Variants in PRKCE observed in about 807,000 individuals in gnomAD.
PRKCE encodes protein kinase C epsilon.
Under a neutral mutation model 85.4 loss-of-function variants are expected in PRKCE, and 16 were observed. That is an observed-to-expected ratio of 0.19 (90% CI 0.13 to 0.28). PRKCE has a LOEUF of 0.28. PRKCE is among the 10% of genes least tolerant of loss of function. The pLI, the probability that PRKCE is intolerant of heterozygous loss-of-function variation, is 1.00. For missense variants in PRKCE, 573 were observed against 975.2 expected (o/e 0.59, Z 5.49); for synonymous variants, 388 against 371.5 (o/e 1.04, Z -0.51).
intron 2 of PRKCE, among the ~76,000 whole-genome samples, chr2:45,847,612 T>C (rs1691902676): frequency 6.6e-6 from 1 of 152,136 alleles, no homozygotes; most frequent in African/African-American, 2.4e-5. Flanking sequence ...GATGATGTGC[T>C]CCAGGCCAAA....
intron 10 of PRKCE, among the ~76,000 whole-genome samples, chr2:46,058,373 G>A (rs1421819330): frequency 1.3e-5 from 2 of 152,242 alleles, no homozygotes; most frequent in African/African-American, 2.4e-5. Flanking sequence ...TGCTCATTGT[G>A]TGGGGATGAA....
chr2:45,866,879 A>G (rs866739130), intron 2 of PRKCE, among the ~76,000 whole-genome samples: 1 of 152,246 alleles, frequency 6.6e-6, no homozygotes, highest in African/African-American at 2.4e-5. Context: ...AACATTGGCT[A>G]TGCGTTAATA....
At chr2:45,865,722 G>A (rs1398037878) in intron 2 of PRKCE, among the ~76,000 whole-genome samples, 2 of 152,014 alleles carry the variant, frequency 1.3e-5, no homozygotes, top group Non-Finnish European at 1.5e-5. Context: ...GAAGCAGAGA[G>A]CAGCCCTCAT....
intron 1 of PRKCE, among the ~76,000 whole-genome samples, chr2:45,829,800 G>A (rs1340082456): frequency 2.6e-5 from 4 of 152,068 alleles, no homozygotes; most frequent in Admixed American, 6.6e-5. Flanking sequence ...TCGGCCGGGC[G>A]CGGTGGCTCA....
At chr2:46,160,481 C>A (rs61759998) in intron 14 of PRKCE, among the ~76,000 whole-genome samples, 1 of 152,188 alleles carries the variant, frequency 6.6e-6, no homozygotes, top group African/African-American at 2.4e-5. Flanking sequence ...AAAGTTACAG[C>A]GTGTGTTATC....
intron 2 of PRKCE, among the ~76,000 whole-genome samples, chr2:45,878,271 C>T (rs1434701497): frequency 1.3e-5 from 2 of 152,324 alleles, no homozygotes; most frequent in East Asian, 3.9e-4. Context: ...TTATCTGGAC[C>T]TGTTATGAAG....
intron 10 of PRKCE, among the ~76,000 whole-genome samples, chr2:46,077,580 AT>A (rs1283206566): frequency 6.6e-6 from 1 of 152,234 alleles, no homozygotes; most frequent in African/African-American, 2.4e-5. Context: ...ATACTTGTGT[AT>A]GGCTTTGAAC....
intron 6 of PRKCE, among the ~76,000 whole-genome samples, chr2:45,987,371 G>A (rs1304632555): frequency 6.6e-6 from 1 of 152,204 alleles, no homozygotes. Context: ...CCCAGCCAAA[G>A]TGTGCAGACT....
intron 2 of PRKCE, among the ~76,000 whole-genome samples, chr2:45,857,549 A>G (rs1692775553): frequency 6.6e-6 from 1 of 152,052 alleles, no homozygotes; most frequent in Admixed American, 6.6e-5. Flanking sequence ...ATTTTTTTCT[A>G]ATTCATTGTT....
chr2:45,792,171 G>A (rs1687085075), intron 1 of PRKCE, among the ~76,000 whole-genome samples: 1 of 152,150 alleles, frequency 6.6e-6, no homozygotes, highest in Non-Finnish European at 1.5e-5. Flanking sequence ...GAAGGGCAAA[G>A]GGGAAGTGGT....
intron 10 of PRKCE, among the ~76,000 whole-genome samples, chr2:46,034,114 G>A (rs573663150): frequency 7.2e-5 from 11 of 152,296 alleles, no homozygotes; most frequent in African/African-American, 2.2e-4. Flanking sequence ...TAGAAATTTG[G>A]CTCTGAAATA....
rs144298954 is a variant in PRKCE, at chr2:46,055,913, T to C, written c.1438-30295T>C. Among the ~76,000 whole-genome samples, 5 of 152,330 alleles carry C rather than the reference T, an allele frequency of 3.3e-5. No homozygotes were observed. The East Asian group carries it at 9.7e-4, about 29-fold the overall frequency. ...CCTGGGCTCAAATGATCTGCCCGCC[T>C]TGGCCTCCCAAAGTGCTGGGATTAC... On this transcript the variant is annotated intron_variant, in intron 10 of 14. Transcript: ENST00000306156.
chr2:45,694,297 A>C (rs1243563548), intron 1 of PRKCE, among the ~76,000 whole-genome samples: 2 of 151,974 alleles, frequency 1.3e-5, no homozygotes, highest in Non-Finnish European at 2.9e-5. Context: ...ATCACCATCC[A>C]GGGGAAGAAC....
chr2:45,881,139 C>A (rs1352442521), intron 2 of PRKCE, among the ~76,000 whole-genome samples: 1 of 127,866 alleles, frequency 7.8e-6, no homozygotes. Context: ...GGCGACAGAG[C>A]GAGACTCCGT....
chr2:45,959,884 A>T (rs969845492), intron 2 of PRKCE, among the ~76,000 whole-genome samples: 2 of 152,136 alleles, frequency 1.3e-5, no homozygotes, highest in Non-Finnish European at 2.9e-5. Flanking sequence ...AGTTGTCTCT[A>T]TGAGTTTTAA....
chr2:45,870,262 A>G (rs1435041960), intron 2 of PRKCE, among the ~76,000 whole-genome samples: 1 of 152,180 alleles, frequency 6.6e-6, no homozygotes, highest in Non-Finnish European at 1.5e-5. Context: ...AACCCAAGAC[A>G]CAGAGTGCAA....
At chr2:46,100,884 T>TCTTC in intron 11 of PRKCE, among the ~76,000 whole-genome samples, 1 of 147,748 alleles carries the variant, frequency 6.8e-6, no homozygotes, top group African/African-American at 2.6e-5. Flanking sequence ...CTCTTCTCTT[T>TCTTC]TCTTGATGGG....
chr2:45,716,687 A>T (rs1573042587), intron 1 of PRKCE, among the ~76,000 whole-genome samples: 1 of 71,012 alleles, frequency 1.4e-5, no homozygotes, highest in South Asian at 5.0e-4. Context: ...GAAGAAGAAG[A>T]AGAGAAGGAA....
intron 1 of PRKCE, among the ~76,000 whole-genome samples, chr2:45,712,071 C>T (rs562501667): frequency 6.6e-6 from 1 of 151,722 alleles, no homozygotes; most frequent in Non-Finnish European, 1.5e-5. Context: ...ACATCTTCTC[C>T]ACACTGTCTG....
Sources: gnomAD v4.1 joint callset for allele counts (sites outside exome capture counted in the v4.1 genomes callset) on GRCh38, gnomAD v4.1.1 for gene constraint, MANE v1.5 for transcripts, NCBI Gene and HGNC (gene_info 2026-07-23, HGNC 2026-07-21) for gene names.